The following RAD21 variants were observed in gnomAD, a reference collection of about 807,000 sequenced individuals.
RAD21 encodes RAD21 cohesin complex component, also known as double-strand-break repair protein rad21 homolog.
In RAD21, 18 loss-of-function variants were observed where a neutral mutation model predicts 71.5. The ratio of observed to expected loss-of-function variants is 0.25; its 90% CI spans 0.17 to 0.37. The LOEUF is 0.37. Ranked by LOEUF, RAD21 falls within the 10% of genes least tolerant of loss-of-function variation. The pLI is 1.00. For missense variants in RAD21, 493 were observed against 769.1 expected (o/e 0.64, Z 4.25); for synonymous variants, 248 against 254.0 (o/e 0.98, Z 0.22).
At chr8:116,864,627 T>C (rs892788055) in intron 2 of RAD21, among the ~76,000 whole-genome samples, 1 of 152,098 alleles carries the variant, frequency 6.6e-6, no homozygotes, top group Admixed American at 6.6e-5. Context: ...TATTTTTATG[T>C]GGTGTTATAA....
At chr8:116,862,684 C>A (rs1175201547) in intron 3 of RAD21, among the ~76,000 whole-genome samples, 1 of 151,914 alleles carries the variant, frequency 6.6e-6, no homozygotes, top group Non-Finnish European at 1.5e-5. Flanking sequence ...TTGGCAGACT[C>A]CAGTTTTATA....
chr8:116,865,816 G>C (rs1357239264), intron 2 of RAD21, among the ~76,000 whole-genome samples: 1 of 152,018 alleles, frequency 6.6e-6, no homozygotes, highest in Non-Finnish European at 1.5e-5. Context: ...AGGAAATAGA[G>C]CAAAACTTAC....
intron 11 of RAD21, chr8:116,850,973 AACTG>A (rs1465252749): frequency 3.2e-5 from 12 of 371,552 alleles, no homozygotes; most frequent in East Asian, 3.2e-4. Context: ...TTACAAAAGA[AACTG>A]ACTGCTTATC....
intron 2 of RAD21, among the ~76,000 whole-genome samples, chr8:116,865,189 T>C (rs532425329): frequency 6.6e-6 from 1 of 152,298 alleles, no homozygotes; most frequent in African/African-American, 2.4e-5. Context: ...TTTTACATTA[T>C]TCCTGAACTG....
At chr8:116,859,305 C>T (rs1186544277) in intron 4 of RAD21, among the ~76,000 whole-genome samples, 1 of 152,098 alleles carries the variant, frequency 6.6e-6, no homozygotes, top group Non-Finnish European at 1.5e-5. Context: ...TACTTCATGC[C>T]TCTGTGTCAC....
At position 116,846,593 on chromosome 8, in the gene RAD21, C is replaced by G. The variant is rs548022988; in HGVS notation, c.*907G>C. ...GAGAAGCCGTTAGTTTTTACAGCAT[C>G]GTCTGCTTAAAAGCTAAGTTGACCA... On this transcript the variant is annotated 3_prime_UTR_variant, in exon 14 of 14. Transcript: ENST00000297338. 8.8e-6 allele frequency: 2 copies of G among 228,372 alleles called. No homozygotes were observed. Among genetic ancestry groups the G allele is most frequent in the African/African-American group, 4.4e-5 (2 of 45,052 alleles). The allele number at this position is 228,372 out of a possible 1,614,324, so 14.1% of individuals were successfully genotyped here.
intron 2 of RAD21, among the ~76,000 whole-genome samples, chr8:116,865,599 TA>T (rs1274723862): frequency 2.6e-5 from 4 of 152,082 alleles, no homozygotes; most frequent in Non-Finnish European, 4.4e-5. Flanking sequence ...AAGAAACACT[TA>T]AGGGCGTGAA....
Position 116,846,969 on chromosome 8 carries a change from A to G in RAD21, c.*531T>C, listed in dbSNP as rs1173491068. 1 of 216,692 alleles carries G rather than the reference A, an allele frequency of 4.6e-6. No homozygotes were observed. The highest frequency in any genetic ancestry group is 9.3e-6 in the Non-Finnish European group (1 of 107,752). 13.4% of individuals were successfully genotyped at this position (216,692 alleles called of 1,614,324 possible). A position where few individuals can be genotyped will look rare whatever the true frequency, so the allele number is the denominator to read the frequency against. ...TCTGCTCATTATGGAATTACACTTA[A>G]AACGAATCTCAAGAGGGTGACCATT... is the stretch of plus-strand genomic sequence containing the variant. On this transcript the variant is annotated 3_prime_UTR_variant, in exon 14 of 14. Transcript: ENST00000297338.
intron 3 of RAD21, 46 bp from the exon 4 acceptor site, chr8:116,861,986 A>G (rs764769214): frequency 7.0e-7 from 1 of 1,433,378 alleles, no homozygotes; most frequent in Non-Finnish European, 9.8e-7. Context: ...CCCATAAATT[A>G]TCTAGGGATC....
chr8:116,857,268 T>G lies in RAD21; in HGVS notation c.687A>C (p.Leu229Phe), dbSNP rs774987531. The G allele has an allele frequency of 8.7e-6, 14 of 1,601,596 alleles. No individual in the cohort carries two copies. The highest frequency in any genetic ancestry group is 1.1e-5 in the Non-Finnish European group (13 of 1,171,310). ...GGAATAACCATCATTCCCACATACC[T>G]AATATTCCACCATCATTTCCTTCTC... is the stretch of plus-strand genomic sequence containing the variant. ...NFGEGNDGGI[L>F]DDKLISNNDG... is the part of the protein sequence containing the mutation. Residue 229 changes from leucine (L) to phenylalanine (F), a missense_variant and splice_region_variant, in exon 6 of 14, where the codon TTA becomes TTC. Transcript: ENST00000297338.
chr8:116,863,709 T>A (rs1219423548), intron 2 of RAD21, among the ~76,000 whole-genome samples: 1 of 152,046 alleles, frequency 6.6e-6, no homozygotes, highest in Non-Finnish European at 1.5e-5. Flanking sequence ...TGAGAAAGAT[T>A]TCCCCCCCAA....
intron 9 of RAD21, among the ~76,000 whole-genome samples, chr8:116,853,326 G>A (rs866609839): frequency 3.9e-5 from 6 of 152,032 alleles, no homozygotes; most frequent in Non-Finnish European, 2.9e-5. Flanking sequence ...TGATCCACTC[G>A]CCTCAGCCTC....
intron 9 of RAD21, among the ~76,000 whole-genome samples, chr8:116,853,731 AATAGT>A (rs1812401979): frequency 1.3e-5 from 2 of 152,204 alleles, no homozygotes; most frequent in African/African-American, 4.8e-5. Context: ...CTTCAGACAG[AATAGT>A]AGCCTAACAG....
At position 116,856,649 on chromosome 8, in the gene RAD21, A is replaced by T. The variant is rs1382907051; in HGVS notation, c.811T>A (p.Ser271Thr). Residue 271 changes from serine to threonine, a missense_variant, in exon 7 of 14, where the codon TCA becomes ACA. Ser to Thr is a moderately conservative substitution (Grantham distance 58). Transcript: ENST00000297338. ...TCACTGAACATGAAATGCTTACTTG[A>T]TACATTATCATCCTCATCCATATCG... ...HDDMDEDDNV[S>T]MGGPDSPDSV... The T allele has an allele frequency of 6.3e-7, 1 of 1,589,450 alleles. No homozygotes were observed. Among genetic ancestry groups the T allele is most frequent in the East Asian group, 2.3e-5 (1 of 43,592 alleles).
intron 4 of RAD21, among the ~76,000 whole-genome samples, chr8:116,859,820 A>G (rs1812551680): frequency 6.6e-6 from 1 of 152,170 alleles, no homozygotes; most frequent in Non-Finnish European, 1.5e-5. Flanking sequence ...GAAATGAATA[A>G]GCTTGGTGAA....
At chr8:116,867,219 C>T (rs897368753) in intron 1 of RAD21, among the ~76,000 whole-genome samples, 2 of 152,098 alleles carry the variant, frequency 1.3e-5, no homozygotes, top group East Asian at 3.9e-4. Context: ...ATTGCTACTA[C>T]ACGAAAAGTA....
In RAD21 at chr8:116,857,472, A is replaced by C; in HGVS notation, c.483T>G (p.Gly161=). Residue 161 remains glycine (G), a splice_region_variant and synonymous_variant, in exon 6 of 14, where the codon GGT becomes GGG. Transcript: ENST00000297338. ...NISILQENDF[G]DFGMDDREIM... ...TCTCACGATCATCCATTCCAAAATC[A>C]CCTAAACAAATTTTAATTTGTCATT... 1 of 1,611,560 alleles carries C rather than the reference A, an allele frequency of 6.2e-7. No individual in the cohort carries two copies. The highest frequency in any genetic ancestry group is 8.5e-7 in the Non-Finnish European group (1 of 1,178,594).
chr8:116,859,445 T>C (rs867378863), intron 4 of RAD21, among the ~76,000 whole-genome samples: 1 of 152,126 alleles, frequency 6.6e-6, no homozygotes, highest in Non-Finnish European at 1.5e-5. Context: ...CTTACTATAT[T>C]GCCCAGGCTA....
At chr8:116,866,850 CT>C in intron 1 of RAD21, 89 bp from the exon 2 acceptor site, 1 of 852,662 alleles carries the variant, frequency 1.2e-6, no homozygotes, top group Non-Finnish European at 1.6e-6. Flanking sequence ...TTTCTTCTCT[CT>C]TTAATATGAA....
Sources: gnomAD v4.1 joint callset for allele counts (sites outside exome capture counted in the v4.1 genomes callset) on GRCh38, gnomAD v4.1.1 for gene constraint, MANE v1.5 for transcripts, NCBI Gene and HGNC (gene_info 2026-07-23, HGNC 2026-07-21) for gene names.